PKNOX1: variants seen among roughly 807,000 people sequenced by gnomAD.
The protein encoded by PKNOX1 is homeobox protein PKNOX1.
Under a neutral mutation model 51.9 loss-of-function variants are expected in PKNOX1, and 15 were observed. The ratio of observed to expected loss-of-function variants is 0.29; its 90% CI spans 0.19 to 0.45. The LOEUF (loss-of-function observed/expected upper bound fraction) is 0.45. Among genes scored for constraint, PKNOX1 ranks in the 20% least tolerant of loss-of-function variants. The pLI is 1.00. For synonymous variants in PKNOX1, 219 were observed against 211.1 expected, an observed-to-expected ratio of 1.04 and a Z score of -0.32; for missense variants, 462 against 547.5, an observed-to-expected ratio of 0.84 and a Z score of 1.56.
At chr21:43,008,235 A>G (rs1979088521) in intron 3 of PKNOX1, among the ~76,000 whole-genome samples, 7 of 152,192 alleles carry the variant, frequency 4.6e-5, no homozygotes, top group Admixed American at 3.3e-4. Context: ...AGAGAGCAGC[A>G]AGTCTGCATA....
rs957815497 is a variant in PKNOX1 at position 43,033,233 on chromosome 21, G to A, written c.*3132G>A. 6.6e-6 allele frequency: 1 copy of A among 152,088 alleles called. No individual in the cohort carries two copies. Among genetic ancestry groups the A allele is most frequent in the Non-Finnish European group, 1.5e-5 (1 of 68,022 alleles). The allele number at this position is 152,088 out of a possible 1,614,324, so 9.4% of individuals were successfully genotyped here. ...AGTAAGATGAGTGGAAGTGTTTATCGAGCATGCAAAAGAAACCCTCACGGC... is the reference window on the plus strand; with the variant it reads ...AGTAAGATGAGTGGAAGTGTTTATCAAGCATGCAAAAGAAACCCTCACGGC... On this transcript the variant is annotated 3_prime_UTR_variant, in exon 11 of 11. Transcript: ENST00000291547.
At chr21:42,980,391 A>AC (rs397813715) in intron 1 of PKNOX1, among the ~76,000 whole-genome samples, 2 of 151,554 alleles carry the variant, frequency 1.3e-5, no homozygotes, top group African/African-American at 2.4e-5. Flanking sequence ...AGAAAAAAAA[A>AC]TACTACTTGT....
intron 1 of PKNOX1, among the ~76,000 whole-genome samples, chr21:42,977,385 G>A (rs749408578): frequency 3.9e-5 from 6 of 151,984 alleles, no homozygotes; most frequent in Non-Finnish European, 5.9e-5. Context: ...CTGCTTTTTC[G>A]TCTCGCTGCC....
chr21:43,029,312 G>A (rs78449529), intron 10 of PKNOX1, among the ~76,000 whole-genome samples: 6,507 of 151,952 alleles, frequency 0.043, 170 homozygotes, highest in Middle Eastern at 0.072. Flanking sequence ...ATCCCCTGAC[G>A]TAGGCAGCCA....
chr21:42,982,435 A>C (rs75408629), intron 1 of PKNOX1, among the ~76,000 whole-genome samples: 5,793 of 152,294 alleles, frequency 0.038, 139 homozygotes, highest in Middle Eastern at 0.061. Flanking sequence ...CTTGACAAGA[A>C]AAAGGAGCAT....
At chr21:43,001,428 C>T (rs1401551989) in intron 1 of PKNOX1, among the ~76,000 whole-genome samples, 2 of 152,138 alleles carry the variant, frequency 1.3e-5, no homozygotes, top group Non-Finnish European at 2.9e-5. Flanking sequence ...GGCACTCAGC[C>T]TCCTCTTCCT....
chr21:43,005,057 A>G (rs1008145111), intron 2 of PKNOX1, among the ~76,000 whole-genome samples: 2 of 152,110 alleles, frequency 1.3e-5, no homozygotes, highest in Non-Finnish European at 1.5e-5. Context: ...AGGTGGATCG[A>G]GACTTGGCTG....
chr21:43,024,705 G>A lies in PKNOX1; in HGVS notation c.850-166G>A, dbSNP rs537066769. On this transcript the variant is annotated intron_variant, in intron 8 of 10. Transcript: ENST00000291547. ...TGCAGCACTAGGACATTCCTGGGAC[G>A]AGGAGAAACACTTTGTTCGTGAGAC... 20 of 596,842 alleles carry A rather than the reference G, an allele frequency of 3.4e-5. No homozygotes were observed. In the East Asian group the frequency reaches 3.7e-4, roughly 11 times the overall value. 37.0% of individuals were successfully genotyped at this position (596,842 alleles called of 1,614,324 possible).
chr21:42,983,623 A>G (rs1262894799), intron 1 of PKNOX1, among the ~76,000 whole-genome samples: 2 of 151,128 alleles, frequency 1.3e-5, no homozygotes, highest in African/African-American at 4.9e-5. Context: ...CCGAGATCCT[A>G]CTTTCAATTT....
intron 1 of PKNOX1, among the ~76,000 whole-genome samples, chr21:42,977,280 C>G (rs1490672722): frequency 6.6e-6 from 1 of 152,186 alleles, no homozygotes; most frequent in African/African-American, 2.4e-5. Flanking sequence ...AGAGAGCCAG[C>G]TTGCCCTTTG....
intron 1 of PKNOX1, among the ~76,000 whole-genome samples, chr21:42,996,202 G>A (rs1178374560): frequency 6.6e-6 from 1 of 152,176 alleles, no homozygotes; most frequent in Non-Finnish European, 1.5e-5. Context: ...GCAAGACCTT[G>A]TCTCAGAAAA....
intron 6 of PKNOX1, 43 bp downstream of exon 6, chr21:43,017,050 C>T (rs766553341): frequency 7.7e-7 from 1 of 1,298,476 alleles, no homozygotes; most frequent in Non-Finnish European, 1.1e-6. Flanking sequence ...TGAGTTTTTG[C>T]AGAAAATGGT....
At chr21:43,017,212 A>C (rs1255754844) in intron 6 of PKNOX1, 1 of 371,428 alleles carries the variant, frequency 2.7e-6, no homozygotes, top group East Asian at 4.0e-5. Context: ...TTGTTTCTCT[A>C]CCAAAAATAT....
intron 1 of PKNOX1, among the ~76,000 whole-genome samples, chr21:42,984,516 G>A (rs2146227094): frequency 6.6e-6 from 1 of 152,114 alleles, no homozygotes; most frequent in Middle Eastern, 3.4e-3. Flanking sequence ...AGCCTCCCAA[G>A]TAGCTGGGAT....
intron 1 of PKNOX1, among the ~76,000 whole-genome samples, chr21:42,999,855 A>G (rs1978670258): frequency 6.6e-6 from 1 of 152,156 alleles, no homozygotes; most frequent in South Asian, 2.1e-4. Context: ...ATAAAACCGA[A>G]TGCTTTCAAT....
chr21:43,008,097 A>ACACACACACACACACACAC (rs1568897484), intron 3 of PKNOX1, among the ~76,000 whole-genome samples: 1 of 151,392 alleles, frequency 6.6e-6, no homozygotes, highest in Admixed American at 6.6e-5. Context: ...ACACACACAC[A>ACACACACACACACACACAC]AAGATGTTAT....
chr21:43,012,740 G>A (rs1211334485), intron 4 of PKNOX1, among the ~76,000 whole-genome samples: 3 of 152,148 alleles, frequency 2.0e-5, no homozygotes, highest in Non-Finnish European at 2.9e-5. Flanking sequence ...GAGTAGATGA[G>A]GGTGAGTCAC....
chr21:43,023,087 C>T (rs773419155), intron 8 of PKNOX1, among the ~76,000 whole-genome samples: 5 of 152,010 alleles, frequency 3.3e-5, no homozygotes, highest in African/African-American at 9.7e-5. Flanking sequence ...TCCTCACCCT[C>T]GTTTCTTGGC....
At chr21:42,998,096 AGAAAG>A (rs1459191430) in intron 1 of PKNOX1, among the ~76,000 whole-genome samples, 1 of 152,186 alleles carries the variant, frequency 6.6e-6, no homozygotes, top group Admixed American at 6.5e-5. Context: ...AATTTACAAA[AGAAAG>A]AGGTTTAATT....
Sources: gnomAD v4.1 joint callset for allele counts (sites outside exome capture counted in the v4.1 genomes callset) on GRCh38, gnomAD v4.1.1 for gene constraint, MANE v1.5 for transcripts, NCBI Gene and HGNC (gene_info 2026-07-23, HGNC 2026-07-21) for gene names.